The following WTIP variants were observed in gnomAD, a reference collection of about 807,000 sequenced individuals.
WTIP encodes WT1 interacting protein.
Under a neutral mutation model 41.7 loss-of-function variants are expected in WTIP, and 23 were observed. The ratio of observed to expected loss-of-function variants is 0.55; its 90% CI spans 0.40 to 0.78. WTIP has a LOEUF of 0.78. Ranked by LOEUF, WTIP falls within the 30% of genes least tolerant of loss-of-function variation. The pLI is 0.00. For missense variants in WTIP, 619 were observed against 610.5 expected (o/e 1.01, Z -0.15); for synonymous variants, 314 against 269.9 (o/e 1.16, Z -1.60).
rs970726864 is a variant in WTIP, at chr19:34,481,952, C to A, written c.-23C>A. ...GCGGGAAGCGGAGGCGGAGGTGACG[C>A]GCCAGGGCCGGCGGGCCGGGCCATG... On this transcript the variant is annotated 5_prime_UTR_variant, in exon 1 of 8. Coordinates refer to ENST00000590071, the MANE Select transcript of WTIP (RefSeq NM_001080436.2). 7.0e-6 allele frequency: 7 copies of A among 996,686 alleles called. No individual in the cohort carries two copies. Among genetic ancestry groups the A allele is most frequent in the African/African-American group, 7.0e-5 (4 of 56,972 alleles). 61.7% of individuals were successfully genotyped at this position (996,686 alleles called of 1,614,324 possible). A position where few individuals can be genotyped will look rare whatever the true frequency, so the allele number is the denominator to read the frequency against.
chr19:34,482,273 G>A lies in WTIP; in HGVS notation c.299G>A (p.Gly100Asp). 3.8e-6 allele frequency: 5 copies of A among 1,308,122 alleles called. No individual in the cohort carries two copies. Among genetic ancestry groups the A allele is most frequent in the Non-Finnish European group, 4.9e-6 (5 of 1,021,174 alleles). The allele number at this position is 1,308,122 out of a possible 1,614,324, so 81.0% of individuals were successfully genotyped here. ...AGCCTGGCGGGGTCCGACGGCGGCGGCGGTGGCGGCAGCGCCCGATCCAGC... is the reference window on the plus strand; with the variant it reads ...AGCCTGGCGGGGTCCGACGGCGGCGACGGTGGCGGCAGCGCCCGATCCAGC... ...RASLAGSDGG[G>D]GGGSARSSGI... Residue 100 changes from glycine (G) to aspartate (D), a missense_variant, in exon 1 of 8, where the codon GGC (glycine) becomes GAC (aspartate). Coordinates refer to ENST00000590071, the MANE Select transcript of WTIP (RefSeq NM_001080436.2).
rs375268616 is a variant in WTIP at position 34,490,367 on chromosome 19, C to G, written c.668-9C>G. 1.6e-5 allele frequency: 26 copies of G among 1,613,700 alleles called. No homozygotes were observed. Among genetic ancestry groups the G allele is most frequent in the Non-Finnish European group, 2.0e-5 (24 of 1,179,738 alleles). On this transcript the variant is annotated splice_polypyrimidine_tract_variant and intron_variant, in intron 1 of 7. Coordinates refer to ENST00000590071, the MANE Select transcript of WTIP (RefSeq NM_001080436.2). ...TAACCCCTGCTCTCTCCTGCCTCTC[C>G]TCTCCTAGGCATTTGCATCAAGTGT...
intron 7 of WTIP, among the ~76,000 whole-genome samples, chr19:34,496,135 C>T (rs755198790): frequency 6.6e-6 from 1 of 152,030 alleles, no homozygotes; most frequent in Non-Finnish European, 1.5e-5. Flanking sequence ...CCAGCCTGGG[C>T]AACAAGAGTG....
At chr19:34,484,713 A>C (rs1336671860) in intron 1 of WTIP, among the ~76,000 whole-genome samples, 1 of 152,060 alleles carries the variant, frequency 6.6e-6, no homozygotes, top group Admixed American at 6.5e-5. Context: ...CTGAGGTCCC[A>C]GGCAGGTAAT....
At chr19:34,484,724 G>A (rs980058758) in intron 1 of WTIP, among the ~76,000 whole-genome samples, 1 of 152,082 alleles carries the variant, frequency 6.6e-6, no homozygotes, top group Non-Finnish European at 1.5e-5. Context: ...GGCAGGTAAT[G>A]TGGAGATGAT....
Position 34,502,253 on chromosome 19 carries a change from G to C in WTIP, c.*1984G>C, listed in dbSNP as rs1049228791. 1 of 123,528 alleles carries C rather than the reference G, an allele frequency of 8.1e-6. No homozygotes were observed. Among genetic ancestry groups the C allele is most frequent in the Non-Finnish European group, 1.6e-5 (1 of 62,648 alleles). 7.7% of individuals were successfully genotyped at this position (123,528 alleles called of 1,614,324 possible). On this transcript the variant is annotated 3_prime_UTR_variant, in exon 8 of 8. Coordinates refer to ENST00000590071, the MANE Select transcript of WTIP (RefSeq NM_001080436.2). ...TTACAGGTGTGTACCACTGTGCCCG[G>C]CTTTTTTTTTTTTTTTTTTTGAGAC...
In WTIP at chr19:34,493,184, G is replaced by A; in HGVS notation, c.838-79G>A. Reference sequence around the variant, plus strand: ...CTCATTCTGACTCGAGTGGAGACCTGAGGCCAGGAGGCAGGTGCTAGCTGG... The same window carrying A: ...CTCATTCTGACTCGAGTGGAGACCTAAGGCCAGGAGGCAGGTGCTAGCTGG... On this transcript the variant is annotated intron_variant, in intron 3 of 7. Transcript: ENST00000590071. This position sits in a 1 kb window ranked among gnomAD's most constrained non-coding sequence, Gnocchi z 4.1. 3 of 1,612,696 alleles carry A rather than the reference G, an allele frequency of 1.9e-6. No homozygotes were observed. The highest frequency in any genetic ancestry group is 2.5e-6 in the Non-Finnish European group (3 of 1,178,798).
At chr19:34,485,170 A>G (rs567684356) in intron 1 of WTIP, among the ~76,000 whole-genome samples, 2 of 152,056 alleles carry the variant, frequency 1.3e-5, no homozygotes, top group South Asian at 2.1e-4. Flanking sequence ...TGCAGCCTCC[A>G]CCTCCGGGTT....
Position 34,506,400 on chromosome 19 carries a change from T to G in WTIP, c.*6131T>G, listed in dbSNP as rs1764461547. On this transcript the variant is annotated 3_prime_UTR_variant, in exon 8 of 8. Coordinates refer to ENST00000590071, the MANE Select transcript of WTIP (RefSeq NM_001080436.2). ...CAGACTCTTCCAGGGAATTTTAACT[T>G]TTTATCATCCTATTTACTCTGGAAA... The G allele has an allele frequency of 6.6e-6, 1 of 152,216 alleles. No individual in the cohort carries two copies. The highest frequency in any genetic ancestry group is 6.5e-5 in the Admixed American group (1 of 15,278). The allele number at this position is 152,216 out of a possible 1,614,324, so 9.4% of individuals were successfully genotyped here. A position where few individuals can be genotyped will look rare whatever the true frequency, so the allele number is the denominator to read the frequency against.
At position 34,503,334 on chromosome 19, in the gene WTIP, G is replaced by A. The variant is rs1324178491; in HGVS notation, c.*3065G>A. ...ACTCTCCCGGGGTTTCTTCCTCTAT[G>A]AAGAAACCTTGGCCTCTATGAAGTC... On this transcript the variant is annotated 3_prime_UTR_variant, in exon 8 of 8. Transcript: ENST00000590071. The A allele has an allele frequency of 1.1e-5, 1 of 90,040 alleles. No individual in the cohort carries two copies. The highest frequency in any genetic ancestry group is 1.1e-4 in the Admixed American group (1 of 9,344). 5.6% of individuals were successfully genotyped at this position (90,040 alleles called of 1,614,324 possible).
chr19:34,507,591 TGTCA>T lies in WTIP; in HGVS notation c.*7326_*7329del, dbSNP rs901825351. ...GGTACCAGGTTCCATTAGTTTTGTC[TGTCA>T]GTCTTGTCACCAGGGAGCTGGAGAC... On this transcript the variant is annotated 3_prime_UTR_variant, in exon 8 of 8. Coordinates refer to ENST00000590071, the MANE Select transcript of WTIP (RefSeq NM_001080436.2). 1.3e-5 allele frequency: 2 copies of T among 152,300 alleles called. No homozygotes were observed. Among genetic ancestry groups the T allele is most frequent in the African/African-American group, 4.8e-5 (2 of 41,442 alleles). The allele number at this position is 152,300 out of a possible 1,614,324, so 9.4% of individuals were successfully genotyped here. A position where few individuals can be genotyped will look rare whatever the true frequency, so the allele number is the denominator to read the frequency against.
At position 34,481,855 on chromosome 19, in the gene WTIP, C is replaced by T; in HGVS notation, c.-120C>T. ...CCGGCCCGGCGCCGGCCCCGCCCCGCCCCGCGCCCAGGGGTCCCGGGGCGG... is the reference window on the plus strand; with the variant it reads ...CCGGCCCGGCGCCGGCCCCGCCCCGTCCCGCGCCCAGGGGTCCCGGGGCGG... On this transcript the variant is annotated 5_prime_UTR_variant, in exon 1 of 8. Coordinates refer to ENST00000590071, the MANE Select transcript of WTIP (RefSeq NM_001080436.2). The T allele has an allele frequency of 2.0e-6, 1 of 504,358 alleles. No homozygotes were observed. The allele number at this position is 504,358 out of a possible 1,614,324, so 31.2% of individuals were successfully genotyped here.
At chr19:34,492,572 C>G (rs1442624429) in intron 2 of WTIP, among the ~76,000 whole-genome samples, 1 of 151,206 alleles carries the variant, frequency 6.6e-6, no homozygotes, top group Admixed American at 6.6e-5. Flanking sequence ...ACCTGTAGTC[C>G]CAGCTACTTG....
chr19:34,494,750 T>TCATCCC, intron 6 of WTIP, 113 bp downstream of exon 6: 1 of 1,074,810 alleles, frequency 9.3e-7, no homozygotes, highest in African/African-American at 1.6e-5. Flanking sequence ...GAGCAGGTGC[T>TCATCCC]TCTCCGCAGA....
chr19:34,482,970 T>G (rs1019566388), intron 1 of WTIP, among the ~76,000 whole-genome samples: 1 of 150,066 alleles, frequency 6.7e-6, no homozygotes, highest in African/African-American at 2.4e-5. Flanking sequence ...TTTCTGATAA[T>G]TTTTTCTTCT....
At chr19:34,482,741 G>A in intron 1 of WTIP, 100 bp downstream of exon 1, 1 of 1,200,766 alleles carries the variant, frequency 8.3e-7, no homozygotes, top group South Asian at 4.3e-5. Context: ...GGAGAGCACG[G>A]GGCTGGCTGG....
In WTIP at chr19:34,493,558, C is replaced by T; in HGVS notation, c.967C>T (p.Leu323=). ...CCGGTGCTCCGTGTGCAATGAGTGC[C>T]TGGACGGGGTTCCCTTCACCGTGGA... ...CFRCSVCNEC[L]DGVPFTVDVE... The change falls in exon 5 of 8, where the codon CTG becomes TTG. Residue 323 remains leucine, a synonymous_variant. Coordinates refer to ENST00000590071, the MANE Select transcript of WTIP (RefSeq NM_001080436.2). This position sits in a 1 kb window ranked among gnomAD's most constrained non-coding sequence, Gnocchi z 4.1. 6.2e-7 allele frequency: 1 copy of T among 1,613,732 alleles called. No individual in the cohort carries two copies. The highest frequency in any genetic ancestry group is 8.5e-7 in the Non-Finnish European group (1 of 1,179,888).
chr19:34,489,814 G>T (rs187751384), intron 1 of WTIP, among the ~76,000 whole-genome samples: 4 of 152,296 alleles, frequency 2.6e-5, no homozygotes, highest in Admixed American at 6.5e-5. Flanking sequence ...TGTGCCAGAA[G>T]TCCTAGCTAC....
chr19:34,490,459 T>C lies in WTIP; in HGVS notation c.751T>C (p.Phe251Leu), dbSNP rs1302404969. Residue 251 changes from phenylalanine (F) to leucine (L), a missense_variant, in exon 2 of 8, where the codon TTC (phenylalanine) becomes CTC (leucine). Phe to Leu is a conservative substitution (Grantham distance 22, BLOSUM62 0). This residue lies in a region of WTIP where 164 missense variants were observed against 219.1 expected (regional missense o/e 0.75). Coordinates refer to ENST00000590071, the MANE Select transcript of WTIP (RefSeq NM_001080436.2). ...GGGGAGTCTTTATCACACTGACTGC[T>C]TCACCTGCGACTCGTGTGGTAGGTA... ...AMGSLYHTDC[F>L]TCDSCGRRLR... 4 of 1,613,868 alleles carry C rather than the reference T, an allele frequency of 2.5e-6. No individual in the cohort carries two copies. The highest frequency in any genetic ancestry group is 1.3e-5 in the African/African-American group (1 of 74,922).
Sources: allele counts gnomAD v4.1 joint callset (sites outside exome capture counted in the v4.1 genomes callset), GRCh38; gene constraint gnomAD v4.1.1; regional missense constraint gnomAD v4.1.1; non-coding constraint Gnocchi (gnomAD v3.1); transcripts MANE v1.5; gene names NCBI Gene and HGNC (gene_info 2026-07-23, HGNC 2026-07-21).